PDSS1: variants seen among roughly 807,000 people sequenced by gnomAD.
PDSS1 encodes the protein all trans-polyprenyl-diphosphate synthase PDSS1.
PDSS1 carries 43 observed loss-of-function variants against 57.5 expected under a neutral mutation model. The ratio of observed to expected loss-of-function variants is 0.75; its 90% confidence interval spans 0.59 to 0.96. The LOEUF is 0.96. Ranked by LOEUF, PDSS1 falls within the 50% of genes least tolerant of loss-of-function variation. PDSS1 has a pLI of 0.00. For missense variants in PDSS1, 438 were observed against 527.8 expected, an observed-to-expected ratio of 0.83 and a Z score of 1.67; for synonymous variants, 175 against 191.3, an observed-to-expected ratio of 0.91 and a Z score of 0.70.
Position 26,697,753 on chromosome 10 carries a change from G to T in PDSS1, c.42G>T (p.Trp14Cys). Residue 14 changes from tryptophan (W) to cysteine (C), a missense_variant, in exon 1 of 12, where the codon TGG becomes TGT. Trp to Cys is a radical substitution (Grantham distance 215, BLOSUM62 -2). This residue lies in a region of PDSS1 where 154 missense variants were observed against 137.0 expected (regional missense o/e 1.12). Transcript: ENST00000376215. The stretch of plus-strand genomic sequence containing the variant: ...GGCGGTGGCGGCGCGGCTGCTCCTG[G>T]AAGCCGGCGGCGCGGAGCCCCGGGC... ...RWWRWRRGCSWKPAARSPGPG... is the reference protein window; with the variant it reads ...RWWRWRRGCSCKPAARSPGPG... 7.7e-7 allele frequency: 1 copy of T among 1,293,492 alleles called. No individual in the cohort carries two copies. Among genetic ancestry groups the T allele is most frequent in the Non-Finnish European group, 9.7e-7 (1 of 1,026,006 alleles). 80.1% of individuals were successfully genotyped at this position (1,293,492 alleles called of 1,614,324 possible). A position where few individuals can be genotyped will look rare whatever the true frequency, so the allele number is the denominator to read the frequency against.
At chr10:26,700,904 A>C (rs11015233) in intron 1 of PDSS1, among the ~76,000 whole-genome samples, 1 of 152,140 alleles carries the variant, frequency 6.6e-6, no homozygotes, top group Non-Finnish European at 1.5e-5. Flanking sequence ...GGTAACAAGC[A>C]GAGGTTGGAA....
At chr10:26,738,948 T>A (rs1836493773) in intron 10 of PDSS1, among the ~76,000 whole-genome samples, 1 of 152,240 alleles carries the variant, frequency 6.6e-6, no homozygotes, top group Non-Finnish European at 1.5e-5. Context: ...TCATGTTAAT[T>A]GGATTTTGAA....
At chr10:26,718,348 A>G (rs1477023501) in intron 5 of PDSS1, among the ~76,000 whole-genome samples, 1 of 152,060 alleles carries the variant, frequency 6.6e-6, no homozygotes, top group Non-Finnish European at 1.5e-5. Flanking sequence ...TGCCTAGACT[A>G]CAGAAGTGGT....
chr10:26,730,053 C>T (rs1335265260), intron 8 of PDSS1, among the ~76,000 whole-genome samples: 1 of 151,640 alleles, frequency 6.6e-6, no homozygotes. Flanking sequence ...GCTGGGACTA[C>T]AGGTGCCCGC....
intron 8 of PDSS1, among the ~76,000 whole-genome samples, chr10:26,728,252 G>A (rs1270312065): frequency 6.6e-6 from 1 of 152,082 alleles, no homozygotes; most frequent in Non-Finnish European, 1.5e-5. Flanking sequence ...AGCACTTTGG[G>A]AGGCCGAGGC....
chr10:26,746,753 C>T lies in PDSS1; in HGVS notation c.*280C>T. 1 of 441,910 alleles carries T rather than the reference C, an allele frequency of 2.3e-6. No individual in the cohort carries two copies. The highest frequency in any genetic ancestry group is 4.2e-6 in the Non-Finnish European group (1 of 238,132). 27.4% of individuals were successfully genotyped at this position (441,910 alleles called of 1,614,324 possible). Reference sequence around the variant, plus strand: ...GTATTGTTTACACTGTTAATATCCACATGTAAGGCCATTACACAAATAAAT... The same window carrying T: ...GTATTGTTTACACTGTTAATATCCATATGTAAGGCCATTACACAAATAAAT... On this transcript the variant is annotated 3_prime_UTR_variant, in exon 12 of 12. Transcript: ENST00000376215.
intron 8 of PDSS1, among the ~76,000 whole-genome samples, chr10:26,725,591 G>A (rs995941265): frequency 2.0e-5 from 3 of 151,924 alleles, no homozygotes; most frequent in Admixed American, 2.0e-4. Context: ...ATTTTAAGTG[G>A]GTGCTCTAAC....
At chr10:26,727,357 T>C (rs1477116924) in intron 8 of PDSS1, among the ~76,000 whole-genome samples, 3 of 142,642 alleles carry the variant, frequency 2.1e-5, no homozygotes, top group Non-Finnish European at 3.1e-5. Flanking sequence ...TTTTTTTTTC[T>C]GAATTTCTAT....
chr10:26,703,819 C>A (rs919463548), intron 2 of PDSS1, among the ~76,000 whole-genome samples: 1 of 151,906 alleles, frequency 6.6e-6, no homozygotes, highest in Non-Finnish European at 1.5e-5. Flanking sequence ...CGGTGGCTCA[C>A]GCCTGTAATC....
intron 5 of PDSS1, chr10:26,714,596 C>CA (rs1457997394): frequency 6.6e-6 from 1 of 152,230 alleles, no homozygotes; most frequent in Non-Finnish European, 1.5e-5. Context: ...CTAGCCTGCT[C>CA]AGCTGCCTCA....
At chr10:26,743,133 GAGA>G (rs1315085543) in intron 11 of PDSS1, among the ~76,000 whole-genome samples, 1 of 152,184 alleles carries the variant, frequency 6.6e-6, no homozygotes, top group Non-Finnish European at 1.5e-5. Context: ...CTTTTAAAGG[GAGA>G]ACCATTTAAC....
At chr10:26,705,201 A>G in intron 3 of PDSS1, 85 bp from the exon 4 acceptor site, 1 of 778,158 alleles carries the variant, frequency 1.3e-6, no homozygotes, top group Non-Finnish European at 2.3e-6. Context: ...ATTTGGGCTG[A>G]ATTTTCCGTA....
intron 11 of PDSS1, among the ~76,000 whole-genome samples, chr10:26,743,517 G>C (rs1564439115): frequency 6.6e-6 from 1 of 152,146 alleles, no homozygotes; most frequent in Non-Finnish European, 1.5e-5. Flanking sequence ...TGCCTTTTTT[G>C]GAGAATGGTT....
At position 26,709,623 on chromosome 10, in the gene PDSS1, G is replaced by T; in HGVS notation, c.337-15G>T. On this transcript the variant is annotated splice_polypyrimidine_tract_variant and intron_variant, in intron 4 of 11. Coordinates refer to ENST00000376215, the MANE Select transcript of PDSS1 (RefSeq NM_014317.5). ...TTTTTTGATGCCATTGTGACACAGAGAAACTTTATTTCAGGAACTGCTTAT... is the reference window on the plus strand; with the variant it reads ...TTTTTTGATGCCATTGTGACACAGATAAACTTTATTTCAGGAACTGCTTAT... The T allele has an allele frequency of 6.2e-7, 1 of 1,613,198 alleles. No individual in the cohort carries two copies. Among genetic ancestry groups the T allele is most frequent in the East Asian group, 2.2e-5 (1 of 44,854 alleles).
rs1836353833 is a variant in PDSS1, at chr10:26,735,271, T to C, written c.863T>C (p.Val288Ala). 6.2e-7 allele frequency: 1 copy of C among 1,613,734 alleles called. No homozygotes were observed. The highest frequency in any genetic ancestry group is 8.5e-7 in the Non-Finnish European group (1 of 1,179,592). ...GTTCTAGGATGTCCCGACCCAGTGG[T>C]GCATGAGATCGCCTATCAGTACGGA... is the stretch of plus-strand genomic sequence containing the variant. Reference protein sequence around the residue: ...VSVLGCPDPVVHEIAYQYGKN... With the variant: ...VSVLGCPDPVAHEIAYQYGKN... Residue 288 changes from valine to alanine, a missense_variant, in exon 9 of 12, where the codon GTG (valine) becomes GCG (alanine). By Grantham distance (64) the Val-to-Ala change is moderately conservative (BLOSUM62 0). Transcript: ENST00000376215.
chr10:26,701,986 G>A (rs970099088), intron 1 of PDSS1, 176 bp from the exon 2 acceptor site: 1 of 403,342 alleles, frequency 2.5e-6, no homozygotes, highest in Middle Eastern at 7.5e-4. Flanking sequence ...GAGACATGGA[G>A]TCAAAGATCA....
chr10:26,701,284 CA>C (rs1308066138), intron 1 of PDSS1, among the ~76,000 whole-genome samples: 3 of 152,248 alleles, frequency 2.0e-5, no homozygotes, highest in Non-Finnish European at 4.4e-5. Flanking sequence ...TGGCTGCAGA[CA>C]TTTGCATAAG....
intron 6 of PDSS1, among the ~76,000 whole-genome samples, chr10:26,722,565 G>A (rs774293536): frequency 5.3e-5 from 8 of 152,018 alleles, no homozygotes; most frequent in South Asian, 2.1e-4. Context: ...ATACCTGGGC[G>A]TGGTGGTGTA....
intron 2 of PDSS1, among the ~76,000 whole-genome samples, chr10:26,704,106 G>C (rs1835136385): frequency 1.7e-5 from 1 of 59,132 alleles, no homozygotes. Context: ...AAAAAAATAT[G>C]GCTAGAGCAA....
Sources: gnomAD v4.1 joint callset for allele counts (sites outside exome capture counted in the v4.1 genomes callset) on GRCh38, gnomAD v4.1.1 for gene constraint, gnomAD v4.1.1 regional missense constraint, MANE v1.5 for transcripts, NCBI Gene and HGNC (gene_info 2026-07-23, HGNC 2026-07-21) for gene names.